CDC42EP3: variants seen among roughly 807,000 people sequenced by gnomAD.
CDC42EP3 encodes CDC42 effector protein 3.
CDC42EP3 carries 4 observed loss-of-function variants against 15.5 expected under a neutral mutation model. The ratio of observed to expected loss-of-function variants is 0.26; its 90% CI spans 0.13 to 0.59. CDC42EP3 has a LOEUF of 0.59. Ranked by LOEUF, CDC42EP3 falls within the 20% of genes least tolerant of loss-of-function variation. The pLI, the probability that CDC42EP3 is intolerant of heterozygous loss-of-function variation, is 0.89. For missense variants in CDC42EP3, 309 were observed against 311.2 expected (o/e 0.99, Z 0.05); for synonymous variants, 145 against 130.3 (o/e 1.11, Z -0.77).
rs1226496053 is a variant in CDC42EP3, at chr2:37,666,366, A to G, written c.-236+5060T>C. On this transcript the variant is annotated intron_variant, in intron 1 of 1. Transcript: ENST00000295324. ...CCTTCATCAAACTGGGGTCCCACAGAATACTTTTATGACATTCATGGCTCG... is the reference window on the plus strand; with the variant it reads ...CCTTCATCAAACTGGGGTCCCACAGGATACTTTTATGACATTCATGGCTCG... Among the ~76,000 whole-genome samples, 3 of 152,190 alleles carry G rather than the reference A, an allele frequency of 2.0e-5. No homozygotes were observed. The East Asian group carries it at 5.8e-4, about 29-fold the overall frequency.
intron 1 of CDC42EP3, among the ~76,000 whole-genome samples, chr2:37,659,705 A>G (rs1254981070): frequency 1.3e-5 from 2 of 152,220 alleles, no homozygotes; most frequent in Non-Finnish European, 2.9e-5. Flanking sequence ...TCTTTTCAAA[A>G]GGAGATGTGT....
At chr2:37,649,124 A>G (rs1036621595) in intron 1 of CDC42EP3, among the ~76,000 whole-genome samples, 2 of 151,616 alleles carry the variant, frequency 1.3e-5, no homozygotes, top group African/African-American at 2.4e-5. Context: ...GTTTGAGGTC[A>G]GCCTGGGCAA....
At chr2:37,656,271 A>G (rs1239036933) in intron 1 of CDC42EP3, among the ~76,000 whole-genome samples, 2 of 152,246 alleles carry the variant, frequency 1.3e-5, no homozygotes, top group Non-Finnish European at 2.9e-5. Context: ...GTTACTACAA[A>G]TATATTTGTT....
chr2:37,652,632 A>T (rs1665726868), intron 1 of CDC42EP3, among the ~76,000 whole-genome samples: 1 of 152,106 alleles, frequency 6.6e-6, no homozygotes, highest in East Asian at 1.9e-4. Context: ...TGGCATGATC[A>T]CAGCTCACTG....
At chr2:37,657,747 T>C (rs969693467) in intron 1 of CDC42EP3, among the ~76,000 whole-genome samples, 1 of 152,176 alleles carries the variant, frequency 6.6e-6, no homozygotes, top group Non-Finnish European at 1.5e-5. Flanking sequence ...GAGGGTGATA[T>C]TTGTTCCCTA....
chr2:37,647,277 A>G (rs990229314), intron 1 of CDC42EP3: 22 of 152,262 alleles, frequency 1.4e-4, no homozygotes, highest in African/African-American at 5.3e-4. Flanking sequence ...AGGTGCTGGA[A>G]TTATTTAATA....
At chr2:37,651,696 G>A (rs1467030819) in intron 1 of CDC42EP3, among the ~76,000 whole-genome samples, 1 of 152,234 alleles carries the variant, frequency 6.6e-6, no homozygotes, top group African/African-American at 2.4e-5. Context: ...ACAGGTGGGA[G>A]AGGATGCAGG....
In CDC42EP3 at chr2:37,666,632, TCA is replaced by T. The variant is rs1272564312; in HGVS notation, c.-236+4792_-236+4793del. Among the ~76,000 whole-genome samples the T allele has an allele frequency of 5.9e-5, 9 of 152,352 alleles. No homozygotes were observed. The South Asian group carries it at 1.0e-3, about 18-fold the overall frequency. Reference sequence around the variant, plus strand: ...ACACTAGTTTGGAACTCATCAGCTTTCACACAGTTTACTTGGCTATTTAGAAA... The same window carrying T: ...ACACTAGTTTGGAACTCATCAGCTTTCACAGTTTACTTGGCTATTTAGAAA... On this transcript the variant is annotated intron_variant, in intron 1 of 1. Coordinates refer to ENST00000295324, the MANE Select transcript of CDC42EP3 (RefSeq NM_006449.5).
At chr2:37,669,358 A>C (rs1666337951) in intron 1 of CDC42EP3, among the ~76,000 whole-genome samples, 1 of 152,202 alleles carries the variant, frequency 6.6e-6, no homozygotes, top group Non-Finnish European at 1.5e-5. Context: ...GTTGGACATA[A>C]AACAAAACAC....
chr2:37,647,626 A>T (rs1234718238), intron 1 of CDC42EP3: 2 of 152,444 alleles, frequency 1.3e-5, no homozygotes, highest in African/African-American at 4.8e-5. Flanking sequence ...TCCATGCAGT[A>T]GGCAGAATTC....
rs80248454 is a variant in CDC42EP3 at position 37,667,640 on chromosome 2, T to C, written c.-236+3786A>G. ...CCACTTTCATGCCACATATGTGGGA[T>C]TGAATCATCTTTAATAATAAAATAA... On this transcript the variant is annotated intron_variant, in intron 1 of 1. Transcript: ENST00000295324. 9.5e-3 allele frequency among the ~76,000 whole-genome samples: 1,450 copies of C among 152,304 alleles called. 17 individuals are homozygous for C. Among genetic ancestry groups the C allele is most frequent in the Non-Finnish European group, 0.014 (958 of 68,030 alleles).
chr2:37,663,811 G>A (rs557741240), intron 1 of CDC42EP3, among the ~76,000 whole-genome samples: 67 of 152,304 alleles, frequency 4.4e-4, no homozygotes, highest in African/African-American at 1.6e-3. Flanking sequence ...TCGGTGAATT[G>A]GGAGACACAG....
upstream of CDC42EP3, chr2:37,671,802 G>T: frequency 1.4e-5 from 1 of 69,706 alleles, no homozygotes; most frequent in South Asian, 4.2e-4. Context: ...GGGGCCAACC[G>T]GTGGCCGGGC....
Position 37,667,336 on chromosome 2 carries a change from G to A in CDC42EP3, c.-236+4090C>T, listed in dbSNP as rs371707179. ...TGGACTAAAACGTCCACTGAGTGCC[G>A]GGACTGAAGGCCCAGGTAGTGTGGT... On this transcript the variant is annotated intron_variant, in intron 1 of 1. Coordinates refer to ENST00000295324, the MANE Select transcript of CDC42EP3 (RefSeq NM_006449.5). 8.5e-4 allele frequency among the ~76,000 whole-genome samples: 130 copies of A among 152,246 alleles called. 1 individual carries two copies. In the East Asian group the frequency reaches 0.012, roughly 14 times the overall value.
rs1268979108 is a variant in CDC42EP3 at position 37,645,643 on chromosome 2, T to C, written c.*180A>G. Reference sequence around the variant, plus strand: ...TTTTGCCAAGATAGGTTTTGCTTTGTTGTTTTTTTCTAAATTGTTTTTGCA... The same window carrying C: ...TTTTGCCAAGATAGGTTTTGCTTTGCTGTTTTTTTCTAAATTGTTTTTGCA... On this transcript the variant is annotated 3_prime_UTR_variant, in exon 2 of 2. Transcript: ENST00000295324. 3.9e-6 allele frequency: 2 copies of C among 506,662 alleles called. No individual in the cohort carries two copies. The highest frequency in any genetic ancestry group is 7.2e-5 in the Admixed American group (2 of 27,696). 31.4% of individuals were successfully genotyped at this position (506,662 alleles called of 1,614,324 possible). A position where few individuals can be genotyped will look rare whatever the true frequency, so the allele number is the denominator to read the frequency against.
intron 1 of CDC42EP3, among the ~76,000 whole-genome samples, chr2:37,667,214 C>T (rs1053887999): frequency 1.3e-5 from 2 of 152,170 alleles, no homozygotes; most frequent in Non-Finnish European, 2.9e-5. Flanking sequence ...TGTAACAGGG[C>T]TTGACTTCTG....
chr2:37,653,431 G>A (rs1397103417), intron 1 of CDC42EP3, among the ~76,000 whole-genome samples: 1 of 152,180 alleles, frequency 6.6e-6, no homozygotes. Context: ...GATAATGATA[G>A]AAATAATCAC....
chr2:37,670,262 T>G (rs1666365153), intron 1 of CDC42EP3, among the ~76,000 whole-genome samples: 1 of 152,174 alleles, frequency 6.6e-6, no homozygotes, highest in African/African-American at 2.4e-5. Context: ...TTTTGTTCCT[T>G]TTAAAAGGCA....
chr2:37,672,739 T>C (rs1385770269), upstream of CDC42EP3, among the ~76,000 whole-genome samples: 2 of 152,172 alleles, frequency 1.3e-5, no homozygotes, highest in Non-Finnish European at 2.9e-5. Flanking sequence ...CTGGGACCCC[T>C]GGGAGTCGGA....
Sources: gnomAD v4.1 joint callset for allele counts (sites outside exome capture counted in the v4.1 genomes callset) on GRCh38, gnomAD v4.1.1 for gene constraint, MANE v1.5 for transcripts, NCBI Gene and HGNC (gene_info 2026-07-23, HGNC 2026-07-21) for gene names.